HDAC4: variants seen among roughly 807,000 people sequenced by gnomAD.
The protein encoded by HDAC4 is histone deacetylase 4, also known as histone deacetylase A.
HDAC4 carries 16 observed loss-of-function variants against 135.1 expected under a neutral mutation model. The ratio of observed to expected loss-of-function variants is 0.12; its 90% CI spans 0.08 to 0.18. HDAC4 has a LOEUF of 0.18. Ranked by LOEUF, HDAC4 falls within the 10% of genes least tolerant of loss-of-function variation. The pLI is 1.00. For missense variants in HDAC4, 1,143 were observed against 1,511.8 expected, an observed-to-expected ratio of 0.76 and a Z score of 4.05; for synonymous variants, 685 against 653.4, an observed-to-expected ratio of 1.05 and a Z score of -0.74.
At chr2:239,272,721 C>G (rs1034458109) in intron 2 of HDAC4, among the ~76,000 whole-genome samples, 12 of 152,208 alleles carry the variant, frequency 7.9e-5, no homozygotes, top group Non-Finnish European at 1.5e-4. Context: ...GCACTCACCC[C>G]CAATGCACCC....
In HDAC4 at chr2:239,322,089, TGGTTACACCCTATGTAAATGAAGA is replaced by T. The variant is rs1181731335; in HGVS notation, c.22+30565_22+30588del. On this transcript the variant is annotated intron_variant, in intron 2 of 26. Transcript: ENST00000543185. ...TAAGTACCCTTTAGAGGTTTCCTAC[TGGTTACACCCTATGTAAATGAAGA>T]CTTGGCTCATGACCAATCAGAGGCC... Among the ~76,000 whole-genome samples, 6 of 152,372 alleles carry T rather than the reference TGGTTACACCCTATGTAAATGAAGA, an allele frequency of 3.9e-5. No individual in the cohort carries two copies. In the East Asian group the frequency reaches 1.2e-3, roughly 29 times the overall value.
intron 7 of HDAC4, among the ~76,000 whole-genome samples, chr2:239,152,037 G>A (rs941075861): frequency 6.6e-6 from 1 of 152,106 alleles, no homozygotes; most frequent in Non-Finnish European, 1.5e-5. Context: ...TCACATGAGG[G>A]GAAAATTTAA....
intron 14 of HDAC4, among the ~76,000 whole-genome samples, chr2:239,109,808 A>G (rs62189554): frequency 0.1 from 15,959 of 152,224 alleles, 1,117 homozygotes; most frequent in Admixed American, 0.24. Context: ...TCACGGATAC[A>G]AGGAATGGGG....
chr2:239,276,229 G>A (rs2050353879), intron 2 of HDAC4, among the ~76,000 whole-genome samples: 1 of 152,248 alleles, frequency 6.6e-6, no homozygotes. Context: ...CAGAGGCAGG[G>A]AGAGGCCCCG....
intron 6 of HDAC4, 146 bp downstream of exon 6, chr2:239,163,657 G>T: frequency 1.1e-6 from 1 of 873,388 alleles, no homozygotes; most frequent in Middle Eastern, 3.3e-4. Flanking sequence ...ACCCACATCC[G>T]AGCACCACTG....
chr2:239,316,597 T>C lies in HDAC4; in HGVS notation c.22+36081A>G, dbSNP rs1575684254. 2.6e-5 allele frequency among the ~76,000 whole-genome samples: 4 copies of C among 152,166 alleles called. No individual in the cohort carries two copies. In the South Asian group the frequency reaches 8.3e-4, roughly 32 times the overall value. On this transcript the variant is annotated intron_variant, in intron 2 of 26. Coordinates refer to ENST00000543185, the MANE Select transcript of HDAC4 (RefSeq NM_001378414.1). The stretch of plus-strand genomic sequence containing the variant: ...CCCTGTACAGTATACCAATGGGCCC[T>C]AGGTAAGAGAGCGGCTGGATGAATT...
chr2:239,195,253 A>G (rs1038248837), intron 3 of HDAC4, among the ~76,000 whole-genome samples: 2 of 152,236 alleles, frequency 1.3e-5, no homozygotes, highest in Non-Finnish European at 2.9e-5. Context: ...GTAAGCTAAG[A>G]GCAGAGCAGA....
intron 1 of HDAC4, among the ~76,000 whole-genome samples, chr2:239,361,219 A>G (rs975113284): frequency 5.3e-5 from 8 of 152,224 alleles, no homozygotes; most frequent in African/African-American, 1.7e-4. Context: ...GGCACACAAC[A>G]AAACTGTGAA....
intron 1 of HDAC4, among the ~76,000 whole-genome samples, chr2:239,355,584 T>C (rs1034046892): frequency 2.0e-5 from 3 of 152,388 alleles, no homozygotes; most frequent in Admixed American, 1.3e-4. Flanking sequence ...CAAAGCCTTT[T>C]GAAAATATTT....
chr2:239,396,349 A>T (rs568275574), intron 1 of HDAC4, among the ~76,000 whole-genome samples: 1 of 152,192 alleles, frequency 6.6e-6, no homozygotes, highest in Non-Finnish European at 1.5e-5. Flanking sequence ...GCCAACATTT[A>T]TATCATGCTT....
chr2:239,300,777 T>C (rs1037121131), intron 2 of HDAC4, among the ~76,000 whole-genome samples: 1 of 152,246 alleles, frequency 6.6e-6, no homozygotes, highest in African/African-American at 2.4e-5. Flanking sequence ...CCGACTGCTC[T>C]TTCCTTCTTT....
At chr2:239,148,099 T>C (rs1250128080) in intron 7 of HDAC4, among the ~76,000 whole-genome samples, 1 of 152,176 alleles carries the variant, frequency 6.6e-6, no homozygotes, top group Non-Finnish European at 1.5e-5. Context: ...CCCATTGATG[T>C]AGCATCAGAG....
chr2:239,105,384 C>T (rs1255925270), intron 15 of HDAC4, among the ~76,000 whole-genome samples: 4 of 152,180 alleles, frequency 2.6e-5, no homozygotes, highest in South Asian at 2.1e-4. Flanking sequence ...TGCAGGAGGG[C>T]GGGGCCCGCA....
rs1443167857 is a variant in HDAC4, at chr2:239,052,182, A to G, written c.*915T>C. 1.3e-5 allele frequency: 2 copies of G among 152,348 alleles called. No homozygotes were observed. Among genetic ancestry groups the G allele is most frequent in the African/African-American group, 2.4e-5 (1 of 41,418 alleles). The allele number at this position is 152,348 out of a possible 1,614,324, so 9.4% of individuals were successfully genotyped here. ...TTGCCACTTTTTTGGAACTACCTCC[A>G]TTTTTCTTAAACAGCAATAAAGCAA... is the stretch of plus-strand genomic sequence containing the variant. On this transcript the variant is annotated 3_prime_UTR_variant, in exon 27 of 27. Coordinates refer to ENST00000543185, the MANE Select transcript of HDAC4 (RefSeq NM_001378414.1).
chr2:239,289,060 A>G (rs191162045), intron 2 of HDAC4, among the ~76,000 whole-genome samples: 1 of 152,366 alleles, frequency 6.6e-6, no homozygotes, highest in African/African-American at 2.4e-5. Context: ...GCTCTGGAGC[A>G]GCTGAGCACA....
intron 3 of HDAC4, among the ~76,000 whole-genome samples, chr2:239,201,893 G>A (rs944769301): frequency 4.6e-5 from 7 of 152,140 alleles, no homozygotes; most frequent in East Asian, 1.9e-4. Flanking sequence ...CCAAATCTAC[G>A]TTTTCAAACT....
intron 4 of HDAC4, among the ~76,000 whole-genome samples, chr2:239,179,986 G>A (rs2153011443): frequency 6.6e-6 from 1 of 152,370 alleles, no homozygotes; most frequent in East Asian, 1.9e-4. Context: ...GTAACTGTGA[G>A]CGTGCAAGGG....
At chr2:239,242,230 A>AGGGAGGG (rs2048223074) in intron 2 of HDAC4, among the ~76,000 whole-genome samples, 2 of 99,208 alleles carry the variant, frequency 2.0e-5, no homozygotes, top group Non-Finnish European at 4.0e-5. Context: ...GAAGGAGGGG[A>AGGGAGGG]AGGGAGGGAG....
At chr2:239,348,584 GC>G (rs1487906231) in intron 2 of HDAC4, among the ~76,000 whole-genome samples, 1 of 152,232 alleles carries the variant, frequency 6.6e-6, no homozygotes, top group Non-Finnish European at 1.5e-5. Context: ...CTGCCAGCAG[GC>G]CCCCGTGGGC....
Sources: allele counts gnomAD v4.1 joint callset (sites outside exome capture counted in the v4.1 genomes callset), GRCh38; gene constraint gnomAD v4.1.1; transcripts MANE v1.5; gene names NCBI Gene and HGNC (gene_info 2026-07-23, HGNC 2026-07-21).